The following PRR16 variants were observed in gnomAD, a reference collection of about 807,000 sequenced individuals.
PRR16 encodes protein Largen.
In PRR16, 6 loss-of-function variants were observed where a neutral mutation model predicts 18.2. The observed-to-expected ratio is 0.33, with a 90% confidence interval of 0.18 to 0.65. The LOEUF (loss-of-function observed/expected upper bound fraction) is 0.65, where lower values mean the gene tolerates loss of function less well. Ranked by LOEUF, PRR16 falls within the 30% of genes least tolerant of loss-of-function variation. The pLI, the probability that PRR16 is intolerant of heterozygous loss-of-function variation, is 0.74. For missense variants in PRR16, 412 were observed against 376.6 expected (o/e 1.09, Z -0.78); for synonymous variants, 151 against 147.8 (o/e 1.02, Z -0.16).
At chr5:120,568,160 C>T (rs11241550) in intron 1 of PRR16, among the ~76,000 whole-genome samples, 68,882 of 152,042 alleles carry the variant, frequency 0.45, 16,140 homozygotes, top group Middle Eastern at 0.54. Context: ...CCCGGAAAAA[C>T]GGACACAGAT....
At chr5:120,496,183 A>G (rs1431125542) in intron 1 of PRR16, among the ~76,000 whole-genome samples, 5 of 152,044 alleles carry the variant, frequency 3.3e-5, no homozygotes, top group Admixed American at 6.6e-5. Flanking sequence ...GCTCAATTCT[A>G]TTTGGTAAAA....
At chr5:120,701,049 A>T in the PRR16 span, among the ~76,000 whole-genome samples, 7 of 152,114 alleles carry the variant, frequency 4.6e-5, no homozygotes, top group Non-Finnish European at 7.4e-5. Context: ...TTTCTGGCAC[A>T]TGTAGCAAGC....
At chr5:120,718,352 CA>C in the PRR16 span, among the ~76,000 whole-genome samples, 1 of 152,100 alleles carries the variant, frequency 6.6e-6, no homozygotes, top group Non-Finnish European at 1.5e-5. Context: ...AGAAGACACA[CA>C]ACTCTGGGAA....
intron 1 of PRR16, among the ~76,000 whole-genome samples, chr5:120,527,731 C>T (rs989164419): frequency 2.0e-5 from 3 of 152,154 alleles, no homozygotes; most frequent in Non-Finnish European, 2.9e-5. Flanking sequence ...TGCAAAGGGG[C>T]TAGACAGGGT....
chr5:120,745,787 C>T, the PRR16 span, among the ~76,000 whole-genome samples: 8 of 151,834 alleles, frequency 5.3e-5, no homozygotes, highest in Non-Finnish European at 1.2e-4. Flanking sequence ...CAACCTCCTC[C>T]TCCCGTGTTC....
chr5:120,532,416 T>C (rs1580694276), intron 1 of PRR16, among the ~76,000 whole-genome samples: 1 of 152,060 alleles, frequency 6.6e-6, no homozygotes, highest in African/African-American at 2.4e-5. Flanking sequence ...AGGATAACTA[T>C]CCCTGAATGC....
the PRR16 span, among the ~76,000 whole-genome samples, chr5:120,754,267 TATAAA>T: frequency 3.4e-5 from 1 of 29,480 alleles, no homozygotes; most frequent in Non-Finnish European, 6.1e-5. Flanking sequence ...AAAATATAAA[TATAAA>T]ATAATATATA....
rs572482253 is a variant in PRR16 at position 120,641,011 on chromosome 5, G to A, written c.160-44943G>A. ...ATTTTTAAGAAGAGGCGATTGTAAG[G>A]CCTAGGCCTTGGCAACCAGAAGAGC... On this transcript the variant is annotated intron_variant, in intron 1 of 1. Coordinates refer to ENST00000407149, the MANE Select transcript of PRR16 (RefSeq NM_001300783.2). 3.3e-5 allele frequency among the ~76,000 whole-genome samples: 5 copies of A among 152,172 alleles called. 1 individual carries two copies. In the South Asian group the frequency reaches 1.0e-3, roughly 32 times the overall value.
chr5:120,717,999 TTAA>T, the PRR16 span, among the ~76,000 whole-genome samples: 2 of 152,172 alleles, frequency 1.3e-5, no homozygotes, highest in African/African-American at 4.8e-5. Flanking sequence ...AAATTTATTG[TTAA>T]TAATACAAAA....
At chr5:120,565,377 G>C (rs1752705968) in intron 1 of PRR16, among the ~76,000 whole-genome samples, 1 of 152,192 alleles carries the variant, frequency 6.6e-6, no homozygotes, top group Admixed American at 6.5e-5. Flanking sequence ...AGTTGGTGTA[G>C]TTACACATGT....
At chr5:120,530,040 ATTC>A (rs1207678007) in intron 1 of PRR16, among the ~76,000 whole-genome samples, 1 of 151,148 alleles carries the variant, frequency 6.6e-6, no homozygotes, top group African/African-American at 2.4e-5. Flanking sequence ...TGAAGTTTAT[ATTC>A]TTAAAACAAT....
chr5:120,721,724 T>C, the PRR16 span, among the ~76,000 whole-genome samples: 1 of 152,050 alleles, frequency 6.6e-6, no homozygotes, highest in Non-Finnish European at 1.5e-5. Flanking sequence ...TTAAAATTAT[T>C]GTTCTTGCTT....
chr5:120,584,162 C>A (rs951524393), intron 1 of PRR16, among the ~76,000 whole-genome samples: 2 of 152,052 alleles, frequency 1.3e-5, no homozygotes, highest in Non-Finnish European at 1.5e-5. Context: ...TATTACAGGA[C>A]TATGTGGGAA....
At chr5:120,599,547 A>T (rs1717212102) in intron 1 of PRR16, among the ~76,000 whole-genome samples, 1 of 151,926 alleles carries the variant, frequency 6.6e-6, no homozygotes, top group South Asian at 2.1e-4. Flanking sequence ...TTAAACATAA[A>T]TATGCTTATT....
chr5:120,527,520 CAAGT>C (rs1235215972), intron 1 of PRR16, among the ~76,000 whole-genome samples: 1 of 152,086 alleles, frequency 6.6e-6, no homozygotes, highest in Non-Finnish European at 1.5e-5. Flanking sequence ...AACACGCCAG[CAAGT>C]AACAGTTTAA....
the PRR16 span, among the ~76,000 whole-genome samples, chr5:120,735,901 ATG>A: frequency 1.3e-5 from 2 of 152,136 alleles, no homozygotes; most frequent in Admixed American, 1.3e-4. Context: ...GCCAAATACA[ATG>A]TCATAAAGCT....
At chr5:120,746,793 C>T in the PRR16 span, among the ~76,000 whole-genome samples, 1 of 151,926 alleles carries the variant, frequency 6.6e-6, no homozygotes, top group Non-Finnish European at 1.5e-5. Flanking sequence ...TACTCATTTT[C>T]AGGAAGGGAG....
At chr5:120,597,777 C>T (rs1236838816) in intron 1 of PRR16, among the ~76,000 whole-genome samples, 1 of 151,862 alleles carries the variant, frequency 6.6e-6, no homozygotes, top group Non-Finnish European at 1.5e-5. Flanking sequence ...TACTTCTCTT[C>T]CTCCATCTCC....
intron 1 of PRR16, among the ~76,000 whole-genome samples, chr5:120,524,123 A>G (rs958312518): frequency 6.6e-6 from 1 of 152,084 alleles, no homozygotes; most frequent in Admixed American, 6.6e-5. Flanking sequence ...GTTTATGTAA[A>G]CTCCTCAGTG....
Sources: allele counts gnomAD v4.1 joint callset (sites outside exome capture counted in the v4.1 genomes callset), GRCh38; gene constraint gnomAD v4.1.1; transcripts MANE v1.5; gene names NCBI Gene and HGNC (gene_info 2026-07-23, HGNC 2026-07-21).